The following REC114 variants were observed in gnomAD, a reference collection of about 807,000 sequenced individuals.
REC114 encodes REC114 meiotic recombination protein, also known as meiotic recombination protein REC114.
Under a neutral mutation model 31.3 loss-of-function variants are expected in REC114, and 27 were observed. The ratio of observed to expected loss-of-function variants is 0.86; its 90% CI spans 0.64 to 1.19. The LOEUF (loss-of-function observed/expected upper bound fraction) is 1.19, where lower values mean the gene tolerates loss of function less well. Among genes scored for constraint, REC114 ranks in the 50% most tolerant of loss-of-function variants. REC114 has a pLI of 0.00. For synonymous variants in REC114, 134 were observed against 127.7 expected (o/e 1.05, Z -0.33); for missense variants, 344 against 326.9 (o/e 1.05, Z -0.40).
At chr15:73,529,905 A>C (rs1208488994) in intron 2 of REC114, among the ~76,000 whole-genome samples, 1 of 152,208 alleles carries the variant, frequency 6.6e-6, no homozygotes, top group Non-Finnish European at 1.5e-5. Flanking sequence ...ATACTTCTGG[A>C]ACAAATATAA....
chr15:73,466,884 T>C (rs1893068565), intron 1 of REC114, among the ~76,000 whole-genome samples: 1 of 152,236 alleles, frequency 6.6e-6, no homozygotes, highest in Non-Finnish European at 1.5e-5. Context: ...ACAATCACTG[T>C]GCTATCTTTG....
At chr15:73,506,165 G>T (rs187872641) in intron 2 of REC114, among the ~76,000 whole-genome samples, 1 of 152,196 alleles carries the variant, frequency 6.6e-6, no homozygotes, top group East Asian at 1.9e-4. Context: ...GTTAAAAAAA[G>T]CTTTGTTATT....
chr15:73,534,504 C>T (rs2141326697), intron 2 of REC114, among the ~76,000 whole-genome samples: 1 of 152,272 alleles, frequency 6.6e-6, no homozygotes, highest in Non-Finnish European at 1.5e-5. Context: ...TCTGAATAGA[C>T]CAGTAACAGG....
At chr15:73,500,364 A>C (rs1416658004) in intron 2 of REC114, among the ~76,000 whole-genome samples, 1 of 151,916 alleles carries the variant, frequency 6.6e-6, no homozygotes, top group Non-Finnish European at 1.5e-5. Flanking sequence ...AAAAAAAAAA[A>C]AAAACTTGTT....
At chr15:73,532,116 C>T (rs1215153250) in intron 2 of REC114, among the ~76,000 whole-genome samples, 2 of 151,320 alleles carry the variant, frequency 1.3e-5, no homozygotes. Flanking sequence ...GTATATCTCC[C>T]GATGCTATCC....
At chr15:73,513,769 T>C (rs1318814867) in intron 2 of REC114, among the ~76,000 whole-genome samples, 3 of 150,828 alleles carry the variant, frequency 2.0e-5, no homozygotes, top group Non-Finnish European at 3.0e-5. Context: ...GGGTCAGGGG[T>C]CAGGGACCCA....
At chr15:73,464,820 C>T (rs1173662965) in intron 1 of REC114, among the ~76,000 whole-genome samples, 2 of 152,154 alleles carry the variant, frequency 1.3e-5, no homozygotes, top group East Asian at 1.9e-4. Flanking sequence ...AAACGTCCTA[C>T]TAGCTCTTTT....
chr15:73,524,453 AAAC>A (rs1893979095), intron 2 of REC114, among the ~76,000 whole-genome samples: 1 of 152,218 alleles, frequency 6.6e-6, no homozygotes, highest in African/African-American at 2.4e-5. Flanking sequence ...TTAACAGTAC[AAAC>A]AATAGTCAGC....
At chr15:73,501,455 T>C (rs900794653) in intron 2 of REC114, among the ~76,000 whole-genome samples, 1 of 152,242 alleles carries the variant, frequency 6.6e-6, no homozygotes, top group Non-Finnish European at 1.5e-5. Context: ...GCAGCAGCAT[T>C]ATTATTTTAG....
intron 2 of REC114, among the ~76,000 whole-genome samples, chr15:73,524,062 AT>A (rs1042425671): frequency 1.3e-5 from 2 of 151,994 alleles, no homozygotes; most frequent in East Asian, 1.9e-4. Flanking sequence ...CAAGGATTTC[AT>A]TTTTTTTGCA....
At chr15:73,510,847 G>A (rs199790580) in intron 2 of REC114, among the ~76,000 whole-genome samples, 7,275 of 151,664 alleles carry the variant, frequency 0.048, 62 homozygotes, top group South Asian at 0.083. Context: ...CGTTTTGCCA[G>A]TATTTTATTG....
chr15:73,495,508 T>G (rs920497546), intron 2 of REC114, among the ~76,000 whole-genome samples: 2 of 130,702 alleles, frequency 1.5e-5, no homozygotes, highest in Non-Finnish European at 3.3e-5. Flanking sequence ...CTGCCAGTCT[T>G]AAAAAAAAAA....
intron 2 of REC114, chr15:73,483,695 A>G (rs1893325820): frequency 6.6e-6 from 1 of 152,216 alleles, no homozygotes; most frequent in African/African-American, 2.4e-5. Flanking sequence ...TTTTCACTGT[A>G]TCATTGCCCT....
intron 1 of REC114, among the ~76,000 whole-genome samples, chr15:73,447,711 G>A (rs946374138): frequency 4.0e-5 from 6 of 151,890 alleles, no homozygotes; most frequent in South Asian, 4.2e-4. Context: ...CAAGATAGCC[G>A]AATAGGAACA....
chr15:73,539,282 A>ATT (rs753968018), intron 2 of REC114, among the ~76,000 whole-genome samples: 1,281 of 70,794 alleles, frequency 0.018, 216 homozygotes, highest in East Asian at 0.032. Flanking sequence ...TTCAGAACTG[A>ATT]TTTTTTTTTT....
intron 2 of REC114, among the ~76,000 whole-genome samples, chr15:73,480,783 T>C (rs1233219572): frequency 6.6e-6 from 1 of 152,210 alleles, no homozygotes; most frequent in Non-Finnish European, 1.5e-5. Context: ...GTTCAAGCGA[T>C]TCTCCTGCCT....
chr15:73,552,276 T>C (rs1278008239), intron 4 of REC114, among the ~76,000 whole-genome samples: 1 of 152,236 alleles, frequency 6.6e-6, no homozygotes, highest in Non-Finnish European at 1.5e-5. Flanking sequence ...CTATAATTTG[T>C]GTGAGGCCAG....
At chr15:73,551,278 CTT>C in intron 4 of REC114, 128 bp downstream of exon 4, 1 of 972,740 alleles carries the variant, frequency 1.0e-6, no homozygotes, top group Non-Finnish European at 1.5e-6. Flanking sequence ...TGTTCGGTGA[CTT>C]TTTAAAATTG....
intron 1 of REC114, among the ~76,000 whole-genome samples, chr15:73,466,708 T>C (rs953166334): frequency 9.9e-5 from 15 of 152,266 alleles, no homozygotes; most frequent in Non-Finnish European, 2.2e-4. Context: ...ATGTTAAAGA[T>C]ATTGTTCAAA....
Sources: gnomAD v4.1 joint callset for allele counts (sites outside exome capture counted in the v4.1 genomes callset) on GRCh38, gnomAD v4.1.1 for gene constraint, MANE v1.5 for transcripts, NCBI Gene and HGNC (gene_info 2026-07-23, HGNC 2026-07-21) for gene names.